The following KGD4 variants were observed in gnomAD, a reference collection of about 807,000 sequenced individuals.
KGD4 encodes alpha-ketoglutarate dehydrogenase component 4.
chr5:69,229,388 T>C, the KGD4 span: 1 of 569,902 alleles, frequency 1.8e-6, no homozygotes, highest in East Asian at 3.0e-5. Flanking sequence ...CTAATTTATG[T>C]ATCTTGGTCA....
At chr5:69,227,881 G>C in the KGD4 span, among the ~76,000 whole-genome samples, 202 of 152,326 alleles carry the variant, frequency 1.3e-3, 1 homozygote, top group African/African-American at 4.7e-3. Flanking sequence ...GCTGAGGTGG[G>C]ATGGCTGGCA....
the KGD4 span, among the ~76,000 whole-genome samples, chr5:69,222,829 C>G: frequency 1.3e-5 from 2 of 150,766 alleles, no homozygotes; most frequent in South Asian, 2.2e-4. Context: ...CTCTGTCACT[C>G]AGGCTGGAGT....
At chr5:69,225,025 G>A in the KGD4 span, among the ~76,000 whole-genome samples, 1 of 149,548 alleles carries the variant, frequency 6.7e-6, no homozygotes, top group Non-Finnish European at 1.5e-5. Context: ...AGTGAGCTGA[G>A]ATCGTGCCGC....
chr5:69,217,987 G>A, the KGD4 span: 1 of 1,553,916 alleles, frequency 6.4e-7, no homozygotes, highest in Non-Finnish European at 8.8e-7. Context: ...CGCCTCTGCG[G>A]AGGGCCAGTG....
chr5:69,228,188 T>TG, the KGD4 span: 40 of 1,538,898 alleles, frequency 2.6e-5, no homozygotes, highest in African/African-American at 5.5e-4. Context: ...TCTTTTTTTT[T>TG]TTTAATTTCA....
At chr5:69,217,831 T>C in the KGD4 span, 21 of 1,612,970 alleles carry the variant, frequency 1.3e-5, 1 homozygote, top group South Asian at 2.1e-4. Flanking sequence ...TCGGGGGTCA[T>C]GATGGGCAGC....
chr5:69,220,674 C>G, the KGD4 span, among the ~76,000 whole-genome samples: 1 of 151,950 alleles, frequency 6.6e-6, no homozygotes, highest in South Asian at 2.1e-4. Flanking sequence ...CAGGTGTACC[C>G]AACAGCTCTG....
At chr5:69,218,492 G>GTGTGTGTGTA in the KGD4 span, among the ~76,000 whole-genome samples, 1 of 152,000 alleles carries the variant, frequency 6.6e-6, no homozygotes, top group Non-Finnish European at 1.5e-5. Context: ...GTGTGTGTGT[G>GTGTGTGTGTA]TGTGTGTATA....
the KGD4 span, among the ~76,000 whole-genome samples, chr5:69,222,208 T>C: frequency 6.6e-6 from 1 of 152,062 alleles, no homozygotes; most frequent in Non-Finnish European, 1.5e-5. Context: ...CTAACTTATC[T>C]GTCCTCTGAA....
At chr5:69,228,428 A>G in the KGD4 span, 42 of 1,539,090 alleles carry the variant, frequency 2.7e-5, no homozygotes, top group East Asian at 6.8e-4. Context: ...GCAAAACACC[A>G]TAACATTTGG....
At chr5:69,227,616 A>C in the KGD4 span, among the ~76,000 whole-genome samples, 4 of 152,208 alleles carry the variant, frequency 2.6e-5, no homozygotes, top group Non-Finnish European at 4.4e-5. Context: ...ACAAGTGTAA[A>C]GATATTGAGA....
the KGD4 span, chr5:69,217,808 A>C: frequency 1.2e-6 from 2 of 1,613,168 alleles, no homozygotes; most frequent in South Asian, 1.1e-5. Context: ...CGCGCCCCGG[A>C]AACTGCCCCT....
chr5:69,228,960 A>C, the KGD4 span, among the ~76,000 whole-genome samples: 1 of 140,220 alleles, frequency 7.1e-6, no homozygotes, highest in Admixed American at 7.9e-5. Flanking sequence ...GGTTGCAGTG[A>C]GCCAAGGTCA....
chr5:69,218,469 A>AGTGTGTGTGTGTGT, the KGD4 span, among the ~76,000 whole-genome samples: 4 of 52,036 alleles, frequency 7.7e-5, no homozygotes, highest in African/African-American at 4.9e-4. Flanking sequence ...TGTGTATATT[A>AGTGTGTGTGTGTGT]ATGTGTGTGT....
the KGD4 span, among the ~76,000 whole-genome samples, chr5:69,222,389 A>G: frequency 2.0e-5 from 3 of 152,166 alleles, no homozygotes; most frequent in African/African-American, 7.2e-5. Flanking sequence ...TGGAATGAGG[A>G]TAAATAGGAT....
At chr5:69,221,711 C>T in the KGD4 span, among the ~76,000 whole-genome samples, 1 of 152,000 alleles carries the variant, frequency 6.6e-6, no homozygotes, top group Admixed American at 6.6e-5. Context: ...TTAGGAATGA[C>T]TTTTTAGATA....
the KGD4 span, among the ~76,000 whole-genome samples, chr5:69,222,153 T>C: frequency 6.6e-6 from 1 of 152,002 alleles, no homozygotes; most frequent in African/African-American, 2.4e-5. Flanking sequence ...CTTAGTTTTC[T>C]GTCTCTGACT....
chr5:69,228,153 C>A, the KGD4 span: 1 of 1,426,758 alleles, frequency 7.0e-7, no homozygotes, highest in South Asian at 1.4e-5. Context: ...AGTATTTTGA[C>A]ATCTGAACAA....
the KGD4 span, among the ~76,000 whole-genome samples, chr5:69,221,154 C>T: frequency 1.3e-4 from 19 of 151,370 alleles, no homozygotes; most frequent in Admixed American, 9.9e-4. Context: ...ACATCCCCCT[C>T]TCCGAGAAAC....
Sources: gnomAD v4.1 joint callset for allele counts (sites outside exome capture counted in the v4.1 genomes callset) on GRCh38, gnomAD v4.1.1 for gene constraint, MANE v1.5 for transcripts, NCBI Gene and HGNC (gene_info 2026-07-23, HGNC 2026-07-21) for gene names.